GTF2A1: variants seen among roughly 807,000 people sequenced by gnomAD.
GTF2A1 encodes the protein general transcription factor IIA subunit 1.
Under a neutral mutation model 54.1 loss-of-function variants are expected in GTF2A1, and 12 were observed. That is an observed-to-expected ratio of 0.22 (90% CI 0.14 to 0.36). GTF2A1 has a LOEUF of 0.36. GTF2A1 is among the 10% of genes least tolerant of loss of function. GTF2A1 has a pLI of 1.00. For synonymous variants in GTF2A1, 145 were observed against 152.0 expected (o/e 0.95, Z 0.34); for missense variants, 335 against 442.2 (o/e 0.76, Z 2.17).
intron 8 of GTF2A1, among the ~76,000 whole-genome samples, chr14:81,183,585 G>A (rs551290946): frequency 1.2e-4 from 19 of 152,158 alleles, no homozygotes; most frequent in South Asian, 1.0e-3. Flanking sequence ...TCTATTTACC[G>A]GCCCTAAGCC....
At position 81,178,659 on chromosome 14, in the gene GTF2A1, T is replaced by C. The variant is rs1241895796; in HGVS notation, c.*1564A>G. 4 of 152,164 alleles carry C rather than the reference T, an allele frequency of 2.6e-5. No homozygotes were observed. The highest frequency in any genetic ancestry group is 7.2e-5 in the African/African-American group (3 of 41,456). 9.4% of individuals were successfully genotyped at this position (152,164 alleles called of 1,614,324 possible). A position where few individuals can be genotyped will look rare whatever the true frequency, so the allele number is the denominator to read the frequency against. On this transcript the variant is annotated 3_prime_UTR_variant, in exon 9 of 9. Transcript: ENST00000553612. ...GTGTTAAAAAAGAAACACTATATAA[T>C]AGCTCACAGTTTTCTTCTCTGTAAT...
In GTF2A1 at chr14:81,216,622, A is replaced by G; in HGVS notation, c.31-108T>C. The stretch of plus-strand genomic sequence containing the variant: ...AATAGTCATTTTGCCAACTATCTAT[A>G]TATGACTTTAAAGATACGACCACCA... On this transcript the variant is annotated intron_variant, in intron 1 of 8. Coordinates refer to ENST00000553612, the MANE Select transcript of GTF2A1 (RefSeq NM_015859.4). The G allele has an allele frequency of 8.6e-6, 5 of 581,288 alleles. No homozygotes were observed. In the South Asian group the frequency reaches 1.1e-4, roughly 13 times the overall value. The allele number at this position is 581,288 out of a possible 1,614,324, so 36.0% of individuals were successfully genotyped here.
chr14:81,205,063 T>C (rs1893199945), intron 2 of GTF2A1, among the ~76,000 whole-genome samples: 1 of 152,212 alleles, frequency 6.6e-6, no homozygotes, highest in Admixed American at 6.5e-5. Flanking sequence ...GAAGCTTCTA[T>C]CAGATCCTTC....
At position 81,180,272 on chromosome 14, in the gene GTF2A1, T is replaced by C. The variant is rs766672017; in HGVS notation, c.1082A>G (p.Asn361Ser). 3.3e-6 allele frequency: 5 copies of C among 1,520,198 alleles called. No homozygotes were observed. Among genetic ancestry groups the C allele is most frequent in the Non-Finnish European group, 4.5e-6 (5 of 1,099,612 alleles). 94.2% of individuals were successfully genotyped at this position (1,520,198 alleles called of 1,614,324 possible). ...TTTGGAAAATATATAATCTCTTCCA[T>C]TAAGATTCATAATGCCATCCTTGAG... ...FHLKDGIMNL[N>S]GRDYIFSKAI... The change falls in exon 9 of 9, where the codon AAT becomes AGT. Residue 361 changes from asparagine (N) to serine (S), a missense_variant. Asn to Ser is a conservative substitution (Grantham distance 46, BLOSUM62 1). Around this residue, in one of 2 missense-constraint regions of GTF2A1, gnomAD observed 29 missense variants for 81.7 expected, o/e 0.35. Coordinates refer to ENST00000553612, the MANE Select transcript of GTF2A1 (RefSeq NM_015859.4).
rs147373377 is a variant in GTF2A1, at chr14:81,218,752, C to G, written c.30+1737G>C. 2.5e-4 allele frequency among the ~76,000 whole-genome samples: 38 copies of G among 151,114 alleles called. No homozygotes were observed. The East Asian group carries it at 7.4e-3, about 29-fold the overall frequency. On this transcript the variant is annotated intron_variant, in intron 1 of 8. Coordinates refer to ENST00000553612, the MANE Select transcript of GTF2A1 (RefSeq NM_015859.4). Reference sequence around the variant, plus strand: ...AAAATAAATTGGAATAATTTTTATACCGGATACCCATGTTAATATCCAAGG... The same window carrying G: ...AAAATAAATTGGAATAATTTTTATAGCGGATACCCATGTTAATATCCAAGG...
At chr14:81,193,197 C>T (rs1255826691) in intron 6 of GTF2A1, among the ~76,000 whole-genome samples, 2 of 148,614 alleles carry the variant, frequency 1.3e-5, no homozygotes, top group African/African-American at 2.5e-5. Flanking sequence ...GATGGAGTCT[C>T]GTTCTGTCAC....
rs1892514826 is a variant in GTF2A1 at position 81,175,823 on chromosome 14, A to G, written c.*4400T>C. ...TGTTAATTATTAATATTTCACAAGG[A>G]GTAATCTTTATTTTGAAAAACAATG... On this transcript the variant is annotated 3_prime_UTR_variant, in exon 9 of 9. Coordinates refer to ENST00000553612, the MANE Select transcript of GTF2A1 (RefSeq NM_015859.4). 6.6e-6 allele frequency: 1 copy of G among 152,200 alleles called. No homozygotes were observed. Among genetic ancestry groups the G allele is most frequent in the South Asian group, 2.1e-4 (1 of 4,838 alleles). 9.4% of individuals were successfully genotyped at this position (152,200 alleles called of 1,614,324 possible). A position where few individuals can be genotyped will look rare whatever the true frequency, so the allele number is the denominator to read the frequency against.
At position 81,220,545 on chromosome 14, in the gene GTF2A1, G is replaced by A. The variant is rs755095635; in HGVS notation, c.-27C>T. The A allele has an allele frequency of 3.2e-6, 5 of 1,549,506 alleles. No homozygotes were observed. The East Asian group carries it at 9.6e-5, about 30-fold the overall frequency. On this transcript the variant is annotated 5_prime_UTR_variant, in exon 1 of 9. Coordinates refer to ENST00000553612, the MANE Select transcript of GTF2A1 (RefSeq NM_015859.4). Reference sequence around the variant, plus strand: ...TCCACACACAACACAAACAAGAGGGGGCAACCCCAAGAAAACAAGATAAAA... The same window carrying A: ...TCCACACACAACACAAACAAGAGGGAGCAACCCCAAGAAAACAAGATAAAA...
intron 7 of GTF2A1, among the ~76,000 whole-genome samples, chr14:81,189,541 G>T (rs928802437): frequency 6.6e-6 from 1 of 151,982 alleles, no homozygotes; most frequent in African/African-American, 2.4e-5. Flanking sequence ...CGAGGTGGCG[G>T]GCACCTCTAG....
chr14:81,220,295 C>T (rs1893597212), intron 1 of GTF2A1, among the ~76,000 whole-genome samples, 194 bp downstream of exon 1: 1 of 144,412 alleles, frequency 6.9e-6, no homozygotes, highest in Non-Finnish European at 1.5e-5. Flanking sequence ...GCGCCGCGAG[C>T]CCTCGGCGCC....
intron 2 of GTF2A1, among the ~76,000 whole-genome samples, chr14:81,208,660 C>G (rs1167066861): frequency 6.6e-6 from 1 of 152,156 alleles, no homozygotes; most frequent in Non-Finnish European, 1.5e-5. Context: ...GGAAGCAACC[C>G]ACGAAAGCAG....
rs746171268 is a variant in GTF2A1, at chr14:81,202,680, A to C, written c.338-1022T>G. ...TCAGAAATAATGGCAATGTTACTTAAGCGTAAAAGGAATTACATGTTTGAT... is the reference window on the plus strand; with the variant it reads ...TCAGAAATAATGGCAATGTTACTTACGCGTAAAAGGAATTACATGTTTGAT... On this transcript the variant is annotated intron_variant, in intron 3 of 8. Coordinates refer to ENST00000553612, the MANE Select transcript of GTF2A1 (RefSeq NM_015859.4). 9.7e-6 allele frequency: 5 copies of C among 517,526 alleles called. 1 individual carries two copies. The highest frequency in any genetic ancestry group is 7.0e-5 in the South Asian group (5 of 70,964). 32.1% of individuals were successfully genotyped at this position (517,526 alleles called of 1,614,324 possible).
At chr14:81,210,464 A>G (rs1207778036) in intron 2 of GTF2A1, among the ~76,000 whole-genome samples, 1 of 152,196 alleles carries the variant, frequency 6.6e-6, no homozygotes, top group African/African-American at 2.4e-5. Flanking sequence ...CAGGAGTTCA[A>G]CACCAGCCTG....
rs1419902730 is a variant in GTF2A1 at position 81,211,875 on chromosome 14, T to TCATA, written c.132+4537_132+4538insTATG. ...ACATAATTAGAGTGTATCAAGTACT[T>TCATA]TATATATATATATATATATATATAT... On this transcript the variant is annotated intron_variant, in intron 2 of 8. Transcript: ENST00000553612. Among the ~76,000 whole-genome samples, 39 of 68,494 alleles carry TCATA rather than the reference T, an allele frequency of 5.7e-4. 2 individuals are homozygous for TCATA. The highest frequency in any genetic ancestry group is 1.9e-3 in the African/African-American group (37 of 19,830). The allele number at this position is 68,494 out of a possible 152,430, so 44.9% of individuals were successfully genotyped here.
At chr14:81,217,137 A>G (rs1893504370) in intron 1 of GTF2A1, among the ~76,000 whole-genome samples, 1 of 152,228 alleles carries the variant, frequency 6.6e-6, no homozygotes, top group Non-Finnish European at 1.5e-5. Flanking sequence ...GCTATGAAAC[A>G]TTATAATGAA....
At chr14:81,219,342 AG>A (rs768833891) in intron 1 of GTF2A1, among the ~76,000 whole-genome samples, 4 of 152,244 alleles carry the variant, frequency 2.6e-5, no homozygotes, top group Admixed American at 6.5e-5. Context: ...CGCACCTCCC[AG>A]CCCCGCTCTC....
intron 2 of GTF2A1, 200 bp from the exon 3 acceptor site, chr14:81,204,304 C>A (rs1304864288): frequency 2.8e-6 from 2 of 720,204 alleles, no homozygotes; most frequent in Admixed American, 1.9e-5. Context: ...ATTTTTGCCA[C>A]ATCAGAGTAC....
Position 81,199,746 on chromosome 14 carries a change from C to A in GTF2A1, c.402+1848G>T, listed in dbSNP as rs181862570. On this transcript the variant is annotated intron_variant, in intron 4 of 8. Coordinates refer to ENST00000553612, the MANE Select transcript of GTF2A1 (RefSeq NM_015859.4). ...GCTCTTTAGAATAAAGGAGACTTAA[C>A]CAGTAAGTAAGAGATGGACCACTAA... Among the ~76,000 whole-genome samples the A allele has an allele frequency of 5.6e-4, 85 of 151,786 alleles. 2 individuals carry two copies. Among genetic ancestry groups the A allele is most frequent in the Middle Eastern group, 6.8e-3 (2 of 294 alleles).
At position 81,181,822 on chromosome 14, in the gene GTF2A1, G is replaced by A. The variant is rs548627578; in HGVS notation, c.1024-1492C>T. Reference sequence around the variant, plus strand: ...CTCCCAAAGTGCTGGGATTACAGGCGTGAGCCACTGCACCCGGCCAGGTAC... The same window carrying A: ...CTCCCAAAGTGCTGGGATTACAGGCATGAGCCACTGCACCCGGCCAGGTAC... On this transcript the variant is annotated intron_variant, in intron 8 of 8. Coordinates refer to ENST00000553612, the MANE Select transcript of GTF2A1 (RefSeq NM_015859.4). Among the ~76,000 whole-genome samples the A allele has an allele frequency of 7.9e-5, 12 of 152,230 alleles. No homozygotes were observed. The East Asian group carries it at 1.9e-3, about 24-fold the overall frequency.
Sources: gnomAD v4.1 joint callset for allele counts (sites outside exome capture counted in the v4.1 genomes callset) on GRCh38, gnomAD v4.1.1 for gene constraint, gnomAD v4.1.1 regional missense constraint, MANE v1.5 for transcripts, NCBI Gene and HGNC (gene_info 2026-07-23, HGNC 2026-07-21) for gene names.